The following CEP170 variants were observed in gnomAD, a reference collection of about 807,000 sequenced individuals.
CEP170 encodes the protein centrosomal protein of 170 kDa.
In CEP170, 21 loss-of-function variants were observed where a neutral mutation model predicts 151.9. That is an observed-to-expected ratio of 0.14 (90% CI 0.10 to 0.20). The LOEUF (loss-of-function observed/expected upper bound fraction) is 0.20. Among genes scored for constraint, CEP170 ranks in the 10% least tolerant of loss-of-function variants. The pLI is 1.00. For synonymous variants in CEP170, 356 were observed against 648.8 expected, an observed-to-expected ratio of 0.55 and a Z score of 6.86; for missense variants, 964 against 1,892.9, an observed-to-expected ratio of 0.51 and a Z score of 9.11.
intron 7 of CEP170, among the ~76,000 whole-genome samples, chr1:243,193,356 C>A (rs1341916301): frequency 6.6e-6 from 1 of 151,898 alleles, no homozygotes; most frequent in Non-Finnish European, 1.5e-5. Context: ...CTCTCCCTCC[C>A]CCCATATAGA....
At chr1:243,153,296 A>G (rs2148435377) in intron 14 of CEP170, among the ~76,000 whole-genome samples, 1 of 152,332 alleles carries the variant, frequency 6.6e-6, no homozygotes, top group South Asian at 2.1e-4. Flanking sequence ...TTGAGATGAC[A>G]ACAAAGGATT....
chr1:243,252,906 C>T (rs2066072143), intron 1 of CEP170, among the ~76,000 whole-genome samples: 1 of 152,066 alleles, frequency 6.6e-6, no homozygotes, highest in African/African-American at 2.4e-5. Context: ...GTTAATATAT[C>T]TTAAAATGTA....
chr1:243,137,084 A>C (rs2055177339), intron 16 of CEP170, among the ~76,000 whole-genome samples: 1 of 152,258 alleles, frequency 6.6e-6, no homozygotes. Flanking sequence ...GCCTTTGCAG[A>C]GTGAAAGCAG....
At chr1:243,195,537 G>A (rs1287004736) in intron 7 of CEP170, among the ~76,000 whole-genome samples, 1 of 151,602 alleles carries the variant, frequency 6.6e-6, no homozygotes, top group Non-Finnish European at 1.5e-5. Context: ...AAATTACTAG[G>A]TAGCAAACAC....
rs775323632 is a variant in CEP170 at position 243,140,107 on chromosome 1, A to G, written c.4060T>C (p.Leu1354=). 3.1e-6 allele frequency: 5 copies of G among 1,613,486 alleles called. No homozygotes were observed. In the African/African-American group the frequency reaches 6.7e-5, roughly 22 times the overall value. ...CTTTCATCAAAAACACGATCAACCA[A>G]CTAATGGGACGAAAGCAAACCTTTA... is the stretch of plus-strand genomic sequence containing the variant. The part of the protein sequence containing the change: ...PGSAIDTREE[L]VDRVFDESLN... The change falls in exon 16 of 20, where the codon TTG becomes CTG. Residue 1354 remains leucine, a splice_region_variant and synonymous_variant. Transcript: ENST00000366542.
intron 10 of CEP170, among the ~76,000 whole-genome samples, chr1:243,184,718 TC>T (rs1157380373): frequency 6.6e-6 from 1 of 151,978 alleles, no homozygotes; most frequent in Non-Finnish European, 1.5e-5. Flanking sequence ...TTTTCCTGCA[TC>T]CCAAAGGGTT....
At chr1:243,177,355 C>T (rs2059323981) in intron 10 of CEP170, among the ~76,000 whole-genome samples, 3 of 152,192 alleles carry the variant, frequency 2.0e-5, no homozygotes, top group Non-Finnish European at 4.4e-5. Flanking sequence ...CATATTCCCA[C>T]AGAAATGAAA....
In CEP170 at chr1:243,156,259, G is replaced by A. The variant is rs183936101; in HGVS notation, c.3873C>T (p.Tyr1291=). The change falls in exon 14 of 20, where the codon TAC becomes TAT. Residue 1291 remains tyrosine (Y), a synonymous_variant. Transcript: ENST00000366542. ...CTCGATGAGCAGTCCAATCTCGGAT[G>A]TAGTCTTCCTGCTCTTTAATCCGGT... is the stretch of plus-strand genomic sequence containing the variant. ...FKHRIKEQED[Y]IRDWTAHREE... is the part of the protein sequence containing the mutation. The A allele has an allele frequency of 3.3e-3, 5,277 of 1,590,598 alleles. 44 individuals carry two copies. Among genetic ancestry groups the A allele is most frequent in the Admixed American group, 2.5e-3 (141 of 55,806 alleles).
intron 1 of CEP170, among the ~76,000 whole-genome samples, chr1:243,226,184 GAT>G (rs1373688889): frequency 4.8e-5 from 1 of 20,674 alleles, no homozygotes; most frequent in African/African-American, 1.5e-4. Context: ...TATATATCTA[GAT>G]ATATATATCT....
Position 243,185,055 on chromosome 1 carries a change from G to A in CEP170, c.1566+724C>T, listed in dbSNP as rs896852710. ...TGCGGTTTTTGCCATTACTTTCAAC[G>A]GCAACCTTGATAGCTGATTCTAAAG... On this transcript the variant is annotated intron_variant, in intron 10 of 19. Transcript: ENST00000366542. The surrounding 1 kb of genome is among the most constrained non-coding windows in gnomAD (Gnocchi z 4.9). Among the ~76,000 whole-genome samples, 2 of 152,088 alleles carry A rather than the reference G, an allele frequency of 1.3e-5. No homozygotes were observed. The highest frequency in any genetic ancestry group is 4.8e-5 in the African/African-American group (2 of 41,416).
chr1:243,142,635 G>A (rs1363320505), intron 14 of CEP170, among the ~76,000 whole-genome samples, 172 bp from the exon 15 acceptor site: 2 of 151,986 alleles, frequency 1.3e-5, no homozygotes, highest in East Asian at 3.9e-4. Flanking sequence ...CCAAAATTAA[G>A]ATTAATGAAA....
chr1:243,217,778 A>AAG (rs1459403376), intron 3 of CEP170, among the ~76,000 whole-genome samples: 2 of 152,248 alleles, frequency 1.3e-5, no homozygotes, highest in Admixed American at 6.5e-5. Context: ...TTTCTTTGTC[A>AAG]GTGCCATTTC....
intron 1 of CEP170, among the ~76,000 whole-genome samples, chr1:243,245,490 C>T (rs1275333096): frequency 1.1e-4 from 16 of 152,056 alleles, no homozygotes; most frequent in African/African-American, 2.9e-4. Flanking sequence ...CCAAGGTGAG[C>T]GGATCACGAG....
At chr1:243,174,477 G>A (rs1419039350) in intron 10 of CEP170, among the ~76,000 whole-genome samples, 1 of 151,928 alleles carries the variant, frequency 6.6e-6, no homozygotes. Flanking sequence ...TGGTCTTATA[G>A]TACAGCTATC....
chr1:243,243,283 T>G (rs2065038659), intron 1 of CEP170, among the ~76,000 whole-genome samples: 1 of 152,050 alleles, frequency 6.6e-6, no homozygotes, highest in Non-Finnish European at 1.5e-5. Flanking sequence ...CTCTCATTTT[T>G]TACTAAATAG....
chr1:243,235,854 A>T (rs1017650209), intron 1 of CEP170, among the ~76,000 whole-genome samples: 20 of 152,326 alleles, frequency 1.3e-4, no homozygotes, highest in Middle Eastern at 3.4e-3. Context: ...CATTCAATAA[A>T]GTGCTTAAAG....
At chr1:243,143,225 G>A (rs2056083386) in intron 14 of CEP170, among the ~76,000 whole-genome samples, 1 of 152,036 alleles carries the variant, frequency 6.6e-6, no homozygotes, top group Admixed American at 6.6e-5. Context: ...CTTTCGTAGA[G>A]CACTTTACAC....
In CEP170 at chr1:243,189,416, T is replaced by C. The variant is rs933252531; in HGVS notation, c.1108+1602A>G. On this transcript the variant is annotated intron_variant, in intron 8 of 19. Coordinates refer to ENST00000366542, the MANE Select transcript of CEP170 (RefSeq NM_014812.3). The stretch of plus-strand genomic sequence containing the variant: ...CTAAAAATAAAAAAAATTAGCCGGG[T>C]GTGGTGGTGGGCGCCTGTAGTTCCA... 2.5e-3 allele frequency among the ~76,000 whole-genome samples: 383 copies of C among 151,114 alleles called. 4 individuals carry two copies. The highest frequency in any genetic ancestry group is 6.9e-3 in the Middle Eastern group (2 of 290).
intron 8 of CEP170, among the ~76,000 whole-genome samples, chr1:243,189,808 A>G (rs568139482): frequency 6.6e-6 from 1 of 152,276 alleles, no homozygotes; most frequent in South Asian, 2.1e-4. Flanking sequence ...TAAACAGCCT[A>G]TGTGTTTGTG....
Sources: allele counts gnomAD v4.1 joint callset (sites outside exome capture counted in the v4.1 genomes callset), GRCh38; gene constraint gnomAD v4.1.1; non-coding constraint Gnocchi (gnomAD v3.1); transcripts MANE v1.5; gene names NCBI Gene and HGNC (gene_info 2026-07-23, HGNC 2026-07-21).